PTPRN2: variants seen among roughly 807,000 people sequenced by gnomAD.
PTPRN2 encodes protein tyrosine phosphatase receptor type N2, also known as receptor-type tyrosine-protein phosphatase N2.
PTPRN2 carries 74 observed loss-of-function variants against 118.8 expected under a neutral mutation model. The ratio of observed to expected loss-of-function variants is 0.62; its 90% CI spans 0.52 to 0.76. PTPRN2 has a LOEUF of 0.76. Among genes scored for constraint, PTPRN2 ranks in the 30% least tolerant of loss-of-function variants. The probability of loss-of-function intolerance (pLI) is 0.00; values close to 1 mark genes in which losing one functional copy is unlikely to be tolerated. For missense variants in PTPRN2, 1,481 were observed against 1,394.4 expected (o/e 1.06, Z -0.99); for synonymous variants, 641 against 608.0 (o/e 1.05, Z -0.80).
intron 21 of PTPRN2, among the ~76,000 whole-genome samples, chr7:157,558,123 G>A (rs948264723): frequency 6.4e-5 from 7 of 108,872 alleles, no homozygotes; most frequent in Admixed American, 2.6e-4. Context: ...CGAATACGAT[G>A]GCTCCACAAT....
chr7:157,576,538 A>T, intron 19 of PTPRN2, 75 bp downstream of exon 19: 3 of 1,386,898 alleles, frequency 2.2e-6, no homozygotes, highest in Non-Finnish European at 2.9e-6. Context: ...GGGGCGTCTC[A>T]GGAGCACCGA....
chr7:158,475,983 T>A (rs1377025517), intron 2 of PTPRN2, among the ~76,000 whole-genome samples: 1 of 152,170 alleles, frequency 6.6e-6, no homozygotes, highest in East Asian at 1.9e-4. Context: ...ATATCATACT[T>A]ACTACGATTT....
intron 6 of PTPRN2, among the ~76,000 whole-genome samples, chr7:158,140,455 G>A (rs950501034): frequency 1.3e-5 from 2 of 152,232 alleles, no homozygotes; most frequent in African/African-American, 4.8e-5. Flanking sequence ...AGAGTCTAAA[G>A]TCCATGTGCC....
rs1802832407 is a variant in PTPRN2, at chr7:157,977,408, G to A, written c.1724-78671C>T. Among the ~76,000 whole-genome samples the A allele has an allele frequency of 6.6e-6, 1 of 151,902 alleles. No individual in the cohort carries two copies. Among genetic ancestry groups the A allele is most frequent in the South Asian group, 2.1e-4 (1 of 4,824 alleles). On this transcript the variant is annotated intron_variant, in intron 11 of 22. Transcript: ENST00000389418. The surrounding 1 kb of genome is among the most constrained non-coding windows in gnomAD (Gnocchi z 4.6). ...GGAGGGGTTTATCAGAGATCTGGGAGCCAGGAAAGGTCTCCTGAGGGGATA... is the reference window on the plus strand; with the variant it reads ...GGAGGGGTTTATCAGAGATCTGGGAACCAGGAAAGGTCTCCTGAGGGGATA...
At chr7:157,595,062 G>A (rs1442016468) in intron 17 of PTPRN2, among the ~76,000 whole-genome samples, 176 bp downstream of exon 17, 1 of 152,052 alleles carries the variant, frequency 6.6e-6, no homozygotes, top group Non-Finnish European at 1.5e-5. Context: ...CTCAAGTTTT[G>A]GAAAACAAAA....
Position 157,898,658 on chromosome 7 carries a change from C to T in PTPRN2, c.1788+15G>A, listed in dbSNP as rs966124390. On this transcript the variant is annotated intron_variant, in intron 12 of 22. Coordinates refer to ENST00000389418, the MANE Select transcript of PTPRN2 (RefSeq NM_002847.5). ...TGCAGATCGCAGAGCAGACGGCACC[C>T]CTTCTGTTACTCACCGACCCGACTC... is the stretch of plus-strand genomic sequence containing the variant. 1.3e-6 allele frequency: 2 copies of T among 1,569,778 alleles called. No homozygotes were observed. The highest frequency in any genetic ancestry group is 1.4e-5 in the African/African-American group (1 of 73,944).
intron 18 of PTPRN2, 27 bp from the exon 19 acceptor site, chr7:157,576,806 A>C: frequency 6.4e-7 from 1 of 1,568,952 alleles, no homozygotes; most frequent in South Asian, 1.2e-5. Flanking sequence ...GAGGGAGGGG[A>C]CAGAGACAGG....
chr7:158,340,109 G>A (rs373333937), intron 2 of PTPRN2, among the ~76,000 whole-genome samples: 2 of 16,868 alleles, frequency 1.2e-4, no homozygotes, highest in African/African-American at 4.6e-4. Flanking sequence ...ACCCACACTC[G>A]CACCATAAGA....
chr7:158,242,304 C>T (rs139650012), intron 3 of PTPRN2, among the ~76,000 whole-genome samples: 29 of 152,368 alleles, frequency 1.9e-4, no homozygotes, highest in African/African-American at 6.5e-4. Flanking sequence ...CTTCTCCAAC[C>T]TCTTAGTTCC....
At chr7:158,340,212 G>A in intron 2 of PTPRN2, among the ~76,000 whole-genome samples, 1 of 88,102 alleles carries the variant, frequency 1.1e-5, no homozygotes, top group South Asian at 4.7e-4. Flanking sequence ...CACCATAAGA[G>A]CTGATGCCGG....
At chr7:157,975,722 T>TA (rs1802696093) in intron 11 of PTPRN2, among the ~76,000 whole-genome samples, 1 of 152,064 alleles carries the variant, frequency 6.6e-6, no homozygotes, top group East Asian at 1.9e-4. Context: ...CAAAGGAGTC[T>TA]AAAACCTCAC....
intron 2 of PTPRN2, among the ~76,000 whole-genome samples, chr7:158,419,771 A>C (rs192029783): frequency 6.6e-6 from 1 of 152,146 alleles, no homozygotes; most frequent in Non-Finnish European, 1.5e-5. Flanking sequence ...CGGACTCAGA[A>C]GCTCACACGT....
At chr7:158,143,516 C>G (rs1819585751) in intron 6 of PTPRN2, among the ~76,000 whole-genome samples, 1 of 152,210 alleles carries the variant, frequency 6.6e-6, no homozygotes, top group African/African-American at 2.4e-5. Flanking sequence ...CGGTGGACAC[C>G]AGTCCCCGTG....
intron 11 of PTPRN2, among the ~76,000 whole-genome samples, chr7:158,001,703 G>C (rs973176244): frequency 2.0e-5 from 3 of 152,200 alleles, no homozygotes; most frequent in African/African-American, 7.2e-5. Context: ...TCCGTGCTGA[G>C]AGCCCGGCAC....
chr7:158,455,672 G>A (rs1425802410), intron 2 of PTPRN2, among the ~76,000 whole-genome samples: 1 of 125,472 alleles, frequency 8.0e-6, no homozygotes, highest in African/African-American at 3.2e-5. Flanking sequence ...GGACGCCATC[G>A]GCCACGGCCA....
chr7:158,283,400 G>A (rs1799561379), intron 3 of PTPRN2, among the ~76,000 whole-genome samples: 1 of 152,198 alleles, frequency 6.6e-6, no homozygotes, highest in African/African-American at 2.4e-5. Context: ...TTGTAGCCAA[G>A]ACGGGGCAGG....
chr7:158,351,238 G>C (rs1363022926), intron 2 of PTPRN2, among the ~76,000 whole-genome samples: 1 of 152,158 alleles, frequency 6.6e-6, no homozygotes, highest in African/African-American at 2.4e-5. Context: ...TGCCCCTTCA[G>C]AAGGAGGGTC....
chr7:158,158,064 T>TA (rs1821993649), intron 6 of PTPRN2, among the ~76,000 whole-genome samples: 1 of 152,104 alleles, frequency 6.6e-6, no homozygotes, highest in Admixed American at 6.5e-5. Flanking sequence ...CTTCTAATTT[T>TA]TTTTTTTTAA....
intron 12 of PTPRN2, among the ~76,000 whole-genome samples, chr7:157,758,101 G>A (rs1801908581): frequency 6.6e-6 from 1 of 152,218 alleles, no homozygotes; most frequent in Admixed American, 6.5e-5. Flanking sequence ...CGGGATTGAC[G>A]GAGCGGGAGA....
Sources: gnomAD v4.1 joint callset for allele counts (sites outside exome capture counted in the v4.1 genomes callset) on GRCh38, gnomAD v4.1.1 for gene constraint, Gnocchi (gnomAD v3.1) non-coding constraint, MANE v1.5 for transcripts, NCBI Gene and HGNC (gene_info 2026-07-23, HGNC 2026-07-21) for gene names.